The following MAST2 variants were observed in gnomAD, a reference collection of about 807,000 sequenced individuals.
MAST2 encodes microtubule associated serine/threonine kinase 2, also known as microtubule-associated serine/threonine-protein kinase 2.
Under a neutral mutation model 147.4 loss-of-function variants are expected in MAST2, and 70 were observed. That is an observed-to-expected ratio of 0.47 (90% CI 0.39 to 0.58). MAST2 has a LOEUF of 0.58. Among genes scored for constraint, MAST2 ranks in the 20% least tolerant of loss-of-function variants. The pLI, the probability that MAST2 is intolerant of heterozygous loss-of-function variation, is 0.00. For synonymous variants in MAST2, 869 were observed against 896.8 expected (o/e 0.97, Z 0.55); for missense variants, 2,080 against 2,302.3 (o/e 0.90, Z 1.98).
At chr1:45,966,290 G>A (rs1480180567) in intron 5 of MAST2, among the ~76,000 whole-genome samples, 1 of 152,164 alleles carries the variant, frequency 6.6e-6, no homozygotes, top group Non-Finnish European at 1.5e-5. Context: ...TTGCTTCTAA[G>A]TTTTGGCAAT....
At chr1:45,946,544 A>G (rs957111607) in intron 4 of MAST2, among the ~76,000 whole-genome samples, 1 of 152,066 alleles carries the variant, frequency 6.6e-6, no homozygotes, top group Admixed American at 6.5e-5. Context: ...TTAGACCTGT[A>G]TTTGTTTCTT....
intron 8 of MAST2, 140 bp from the exon 9 acceptor site, chr1:46,008,156 C>T (rs1453596797): frequency 1.6e-6 from 1 of 637,756 alleles, no homozygotes; most frequent in Non-Finnish European, 2.8e-6. Context: ...ATAAGAAAGG[C>T]TCTAGAACTC....
intron 17 of MAST2, 66 bp downstream of exon 17, chr1:46,027,929 C>T (rs1037230065): frequency 1.9e-4 from 307 of 1,582,820 alleles, no homozygotes; most frequent in Non-Finnish European, 2.5e-4. Context: ...CAGTGTCTTA[C>T]GCCCGTAATC....
intron 3 of MAST2, among the ~76,000 whole-genome samples, chr1:45,830,029 G>T (rs767897509): frequency 1.7e-4 from 26 of 151,500 alleles, no homozygotes; most frequent in Non-Finnish European, 3.5e-4. Flanking sequence ...TAATTTTTTT[G>T]TATTACTAGT....
chr1:45,832,868 A>G (rs926903742), intron 3 of MAST2, among the ~76,000 whole-genome samples: 2 of 152,200 alleles, frequency 1.3e-5, no homozygotes, highest in Non-Finnish European at 2.9e-5. Context: ...ACAGACATGT[A>G]CAGCCATCAC....
intron 5 of MAST2, among the ~76,000 whole-genome samples, chr1:45,959,816 T>C (rs1387564492): frequency 6.6e-6 from 1 of 152,184 alleles, no homozygotes; most frequent in Non-Finnish European, 1.5e-5. Context: ...TCCACTAATA[T>C]TTTGTACTAC....
At chr1:45,931,229 C>G (rs1337088137) in intron 4 of MAST2, among the ~76,000 whole-genome samples, 2 of 152,144 alleles carry the variant, frequency 1.3e-5, no homozygotes, top group African/African-American at 4.8e-5. Flanking sequence ...ATTTCCTCAA[C>G]TTTTATAACC....
chr1:45,950,943 T>G (rs1658839880), intron 4 of MAST2, among the ~76,000 whole-genome samples: 2 of 151,784 alleles, frequency 1.3e-5, no homozygotes, highest in African/African-American at 4.8e-5. Flanking sequence ...GTTAGCTGAG[T>G]GTGGTGGCTC....
At position 46,032,723 on chromosome 1, in the gene MAST2, G is replaced by C; in HGVS notation, c.3537+5G>C. 1.9e-6 allele frequency: 3 copies of C among 1,610,302 alleles called. No homozygotes were observed. The highest frequency in any genetic ancestry group is 1.7e-6 in the Non-Finnish European group (2 of 1,177,602). On this transcript the variant is annotated splice_donor_5th_base_variant and intron_variant, in intron 26 of 28. Transcript: ENST00000361297. ...GTGGTAGAGCTGATCCTGAAGGTTAGTGCTGGGCGTGCTGCCTGCATGGTC... is the reference window on the plus strand; with the variant it reads ...GTGGTAGAGCTGATCCTGAAGGTTACTGCTGGGCGTGCTGCCTGCATGGTC...
chr1:45,989,898 C>A (rs921871736), intron 5 of MAST2, among the ~76,000 whole-genome samples: 4 of 152,188 alleles, frequency 2.6e-5, no homozygotes, highest in Admixed American at 2.6e-4. Flanking sequence ...CCTGTCTTTT[C>A]GTAGGTGGAT....
At chr1:45,913,765 C>T in intron 4 of MAST2, 1 of 1,102,270 alleles carries the variant, frequency 9.1e-7, no homozygotes, top group South Asian at 2.1e-5. Context: ...AACTGCATAC[C>T]CCTTGTGTGA....
chr1:45,836,220 T>C (rs1645097850), intron 3 of MAST2, among the ~76,000 whole-genome samples: 3 of 152,234 alleles, frequency 2.0e-5, no homozygotes, highest in South Asian at 2.1e-4. Flanking sequence ...CCCAGAAATA[T>C]ATGAGGGTTC....
chr1:46,025,950 C>G, intron 16 of MAST2, 135 bp downstream of exon 16: 1 of 1,151,058 alleles, frequency 8.7e-7, no homozygotes, highest in Non-Finnish European at 1.3e-6. Context: ...TCCATCTGGG[C>G]CTAGTTCTCT....
intron 5 of MAST2, among the ~76,000 whole-genome samples, chr1:45,980,665 T>A (rs1644370990): frequency 1.3e-5 from 2 of 151,630 alleles, no homozygotes; most frequent in Non-Finnish European, 2.9e-5. Context: ...CTCCCGATTA[T>A]CTGTGACTAC....
At chr1:46,012,686 G>C (rs752892896) in intron 10 of MAST2, among the ~76,000 whole-genome samples, 2 of 152,022 alleles carry the variant, frequency 1.3e-5, no homozygotes, top group African/African-American at 4.8e-5. Context: ...GTTCACTGAA[G>C]CTAGAAAACA....
chr1:46,023,775 T>C lies in MAST2; in HGVS notation c.1575T>C (p.Ala525=). ...TGGGCCGGACTTTGTTTCCCAGGGCTGTATTTCTGGTGCGGCACAAGTCCA... is the reference window on the plus strand; with the variant it reads ...TGGGCCGGACTTTGTTTCCCAGGGCCGTATTTCTGGTGCGGCACAAGTCCA... ...IKLISNGAYG[A]VFLVRHKSTR... Residue 525 remains alanine (A), a synonymous_variant, in exon 15 of 29, where the codon GCT becomes GCC. Transcript: ENST00000361297. This position sits in a 1 kb window ranked among gnomAD's most constrained non-coding sequence, Gnocchi z 4.9. 1.2e-6 allele frequency: 2 copies of C among 1,613,844 alleles called. No homozygotes were observed. The highest frequency in any genetic ancestry group is 1.7e-6 in the Non-Finnish European group (2 of 1,179,860).
chr1:45,950,836 C>G (rs1658820799), intron 4 of MAST2, among the ~76,000 whole-genome samples: 1 of 152,150 alleles, frequency 6.6e-6, no homozygotes, highest in Non-Finnish European at 1.5e-5. Flanking sequence ...CATCTTAATA[C>G]TTTGGATGGC....
At chr1:45,930,605 C>T (rs1317938185) in intron 4 of MAST2, among the ~76,000 whole-genome samples, 1 of 152,122 alleles carries the variant, frequency 6.6e-6, no homozygotes, top group African/African-American at 2.4e-5. Context: ...CTTTTTATTT[C>T]ATAAGCTTTC....
At chr1:45,967,484 A>G (rs1378978954) in intron 5 of MAST2, among the ~76,000 whole-genome samples, 1 of 152,234 alleles carries the variant, frequency 6.6e-6, no homozygotes, top group Non-Finnish European at 1.5e-5. Flanking sequence ...TATGTATTAT[A>G]TACGATACTC....
Sources: gnomAD v4.1 joint callset for allele counts (sites outside exome capture counted in the v4.1 genomes callset) on GRCh38, gnomAD v4.1.1 for gene constraint, Gnocchi (gnomAD v3.1) non-coding constraint, MANE v1.5 for transcripts, NCBI Gene and HGNC (gene_info 2026-07-23, HGNC 2026-07-21) for gene names.